ADARB2: variants seen among roughly 807,000 people sequenced by gnomAD.
ADARB2 encodes inactive double-stranded RNA-specific editase B2.
ADARB2 carries 25 observed loss-of-function variants against 62.2 expected under a neutral mutation model. The ratio of observed to expected loss-of-function variants is 0.40; its 90% confidence interval spans 0.29 to 0.56. ADARB2 has a LOEUF of 0.56. Ranked by LOEUF, ADARB2 falls within the 20% of genes least tolerant of loss-of-function variation. The pLI, the probability that ADARB2 is intolerant of heterozygous loss-of-function variation, is 0.43. For synonymous variants in ADARB2, 572 were observed against 500.8 expected, an observed-to-expected ratio of 1.14 and a Z score of -1.90; for missense variants, 1,071 against 1,077.4, an observed-to-expected ratio of 0.99 and a Z score of 0.08.
chr10:1,635,888 T>A (rs1392329722), intron 1 of ADARB2, among the ~76,000 whole-genome samples: 2 of 152,144 alleles, frequency 1.3e-5, no homozygotes, highest in Non-Finnish European at 2.9e-5. Context: ...AGAGGCCTCT[T>A]ATCTAGCAAC....
chr10:1,211,262 A>C (rs1837147213), intron 7 of ADARB2, among the ~76,000 whole-genome samples: 1 of 152,036 alleles, frequency 6.6e-6, no homozygotes, highest in Admixed American at 6.5e-5. Context: ...GTTATCATCT[A>C]TCATCTATTA....
At position 1,637,728 on chromosome 10, in the gene ADARB2, G is replaced by A. The variant is rs185305302; in HGVS notation, c.100+99323C>T. On this transcript the variant is annotated intron_variant, in intron 1 of 9. Transcript: ENST00000381312. ...CTCTTAAACTGCAGTTTCATACGAT[G>A]ATGTATTAATCGCTCGCAATAATTT... 3.5e-3 allele frequency among the ~76,000 whole-genome samples: 540 copies of A among 152,276 alleles called. 2 individuals carry two copies. The highest frequency in any genetic ancestry group is 5.8e-3 in the Non-Finnish European group (392 of 68,026).
chr10:1,510,142 T>TTC (rs1194009576), intron 1 of ADARB2, among the ~76,000 whole-genome samples: 2 of 145,248 alleles, frequency 1.4e-5, no homozygotes, highest in Non-Finnish European at 3.0e-5. Flanking sequence ...CTTTCTTTCT[T>TTC]TCTTTCTTTC....
rs902156333 is a variant in ADARB2, at chr10:1,737,219, G to T, written c.-69C>A. On this transcript the variant is annotated 5_prime_UTR_variant, in exon 1 of 10. The change creates a new upstream start codon in the 5' untranslated region. Transcript: ENST00000381312. Reference sequence around the variant, plus strand: ...ACCTGCACCTGCCTCCTTCCCGGCAGCCGCCGCCGCCGCTGCTGCGAAGCT... The same window carrying T: ...ACCTGCACCTGCCTCCTTCCCGGCATCCGCCGCCGCCGCTGCTGCGAAGCT... 5.4e-6 allele frequency: 8 copies of T among 1,472,778 alleles called. No homozygotes were observed. The highest frequency in any genetic ancestry group is 7.5e-6 in the Non-Finnish European group (8 of 1,071,926). The allele number at this position is 1,472,778 out of a possible 1,614,324, so 91.2% of individuals were successfully genotyped here. A position where few individuals can be genotyped will look rare whatever the true frequency, so the allele number is the denominator to read the frequency against.
At position 1,335,273 on chromosome 10, in the gene ADARB2, G is replaced by T. The variant is rs540141912; in HGVS notation, c.1077+27755C>A. On this transcript the variant is annotated intron_variant, in intron 3 of 9. Transcript: ENST00000381312. ...TGGGAGGGATGGATAGAAGGATGGA[G>T]GAAAGAATGGAGGAATGGATGGAGG... Among the ~76,000 whole-genome samples the T allele has an allele frequency of 5.4e-5, 8 of 149,070 alleles. No homozygotes were observed. The South Asian group carries it at 1.7e-3, about 32-fold the overall frequency.
intron 1 of ADARB2, among the ~76,000 whole-genome samples, chr10:1,626,194 G>T: frequency 7.0e-6 from 1 of 141,854 alleles, no homozygotes; most frequent in Non-Finnish European, 1.5e-5. Flanking sequence ...CCCCACATCT[G>T]CCCACGCTCG....
At chr10:1,411,064 A>G (rs957962257) in intron 1 of ADARB2, among the ~76,000 whole-genome samples, 1 of 152,186 alleles carries the variant, frequency 6.6e-6, no homozygotes, top group Non-Finnish European at 1.5e-5. Context: ...CCTGCAGGGA[A>G]ACTGCATCCT....
intron 1 of ADARB2, among the ~76,000 whole-genome samples, chr10:1,590,260 A>G (rs894327208): frequency 6.6e-6 from 1 of 152,196 alleles, no homozygotes; most frequent in Non-Finnish European, 1.5e-5. Context: ...GGAGCCTCAG[A>G]TTGCTTGGCC....
At chr10:1,651,377 G>A (rs929044710) in intron 1 of ADARB2, among the ~76,000 whole-genome samples, 1 of 152,216 alleles carries the variant, frequency 6.6e-6, no homozygotes, top group Non-Finnish European at 1.5e-5. Flanking sequence ...TGGGGTGGCT[G>A]GGGCAGGCCG....
intron 1 of ADARB2, among the ~76,000 whole-genome samples, chr10:1,463,621 G>A (rs1225010509): frequency 1.3e-5 from 2 of 152,224 alleles, no homozygotes; most frequent in Non-Finnish European, 1.5e-5. Flanking sequence ...ACCCAGACAT[G>A]ATTCTGTCTC....
intron 1 of ADARB2, among the ~76,000 whole-genome samples, chr10:1,415,667 G>A (rs1832795754): frequency 6.6e-6 from 1 of 152,146 alleles, no homozygotes; most frequent in Non-Finnish European, 1.5e-5. Flanking sequence ...TAAGAAAACT[G>A]CCATAATGAA....
intron 7 of ADARB2, among the ~76,000 whole-genome samples, chr10:1,201,565 C>T (rs367587553): frequency 5.3e-5 from 8 of 151,228 alleles, no homozygotes; most frequent in East Asian, 1.9e-4. Flanking sequence ...GGCCACAGAG[C>T]GCCTGTCACC....
chr10:1,305,112 A>G (rs1831613647), intron 3 of ADARB2, among the ~76,000 whole-genome samples: 1 of 141,454 alleles, frequency 7.1e-6, no homozygotes, highest in Non-Finnish European at 1.6e-5. Flanking sequence ...TGAATCCAGG[A>G]GCTGGTTTTT....
chr10:1,712,012 C>T (rs969742998), intron 1 of ADARB2, among the ~76,000 whole-genome samples: 5 of 152,210 alleles, frequency 3.3e-5, no homozygotes, highest in Admixed American at 1.3e-4. Flanking sequence ...TTTGGATTTT[C>T]CAGCCTTCTC....
intron 1 of ADARB2, among the ~76,000 whole-genome samples, chr10:1,626,457 AG>A (rs1407403295): frequency 1.3e-5 from 2 of 151,958 alleles, no homozygotes; most frequent in Non-Finnish European, 1.5e-5. Flanking sequence ...CCCACGCCTC[AG>A]GCACCTCTTG....
At chr10:1,499,628 A>AC (rs1831739497) in intron 1 of ADARB2, among the ~76,000 whole-genome samples, 1 of 150,840 alleles carries the variant, frequency 6.6e-6, no homozygotes, top group Non-Finnish European at 1.5e-5. Flanking sequence ...TTCACCACTC[A>AC]CCACTCATTC....
At chr10:1,533,036 C>T (rs553997689) in intron 1 of ADARB2, among the ~76,000 whole-genome samples, 2 of 152,140 alleles carry the variant, frequency 1.3e-5, no homozygotes, top group Admixed American at 6.5e-5. Flanking sequence ...CCACCCTCCT[C>T]GAAGCAAACT....
intron 3 of ADARB2, among the ~76,000 whole-genome samples, chr10:1,288,220 G>C (rs577306682): frequency 6.6e-6 from 1 of 152,188 alleles, no homozygotes; most frequent in Non-Finnish European, 1.5e-5. Flanking sequence ...CCTGTCCCTC[G>C]GGGAAAAGAA....
chr10:1,622,243 A>G (rs1283393110), intron 1 of ADARB2, among the ~76,000 whole-genome samples: 2 of 152,232 alleles, frequency 1.3e-5, no homozygotes, highest in Admixed American at 6.5e-5. Context: ...TAAAACTCCT[A>G]GAAGAAAACA....
Sources: gnomAD v4.1 joint callset for allele counts (sites outside exome capture counted in the v4.1 genomes callset) on GRCh38, gnomAD v4.1.1 for gene constraint, MANE v1.5 for transcripts, NCBI Gene and HGNC (gene_info 2026-07-23, HGNC 2026-07-21) for gene names.